CDH18: variants seen among roughly 807,000 people sequenced by gnomAD.
CDH18 encodes cadherin 18, also known as cadherin-18.
A neutral mutation model predicts 67.9 loss-of-function variants in CDH18; 31 were observed. The observed-to-expected ratio is 0.46, with a 90% CI of 0.34 to 0.62. The LOEUF (loss-of-function observed/expected upper bound fraction) is 0.62. Among genes scored for constraint, CDH18 ranks in the 20% least tolerant of loss-of-function variants. The pLI, the probability that CDH18 is intolerant of heterozygous loss-of-function variation, is 0.01. For synonymous variants in CDH18, 362 were observed against 347.2 expected, an observed-to-expected ratio of 1.04 and a Z score of -0.48; for missense variants, 890 against 975.5, an observed-to-expected ratio of 0.91 and a Z score of 1.17.
chr5:19,642,287 C>A (rs954627088), intron 5 of CDH18, among the ~76,000 whole-genome samples: 1 of 151,872 alleles, frequency 6.6e-6, no homozygotes, highest in South Asian at 2.1e-4. Context: ...TAATCCCCAT[C>A]AAAATCCCAA....
chr5:19,802,413 A>G lies in CDH18; in HGVS notation c.228+36346T>C, dbSNP rs145357234. Among the ~76,000 whole-genome samples the G allele has an allele frequency of 6.3e-3, 959 of 152,276 alleles. 3 individuals carry two copies. The highest frequency in any genetic ancestry group is 0.012 in the South Asian group (58 of 4,824). On this transcript the variant is annotated intron_variant, in intron 3 of 12. Transcript: ENST00000382275. ...GTTGGTGGACACTGGAGTAAGTTTAAAAAAGAAAGGTAGTGACCTCTAATT... is the reference window on the plus strand; with the variant it reads ...GTTGGTGGACACTGGAGTAAGTTTAGAAAAGAAAGGTAGTGACCTCTAATT...
intron 7 of CDH18, among the ~76,000 whole-genome samples, chr5:19,572,106 A>G (rs1741525364): frequency 6.6e-6 from 1 of 152,200 alleles, no homozygotes. Flanking sequence ...CGATTCAGGA[A>G]TGTGTGAGGA....
intron 1 of CDH18, among the ~76,000 whole-genome samples, chr5:20,529,777 A>G (rs1374413068): frequency 2.0e-5 from 3 of 152,210 alleles, no homozygotes; most frequent in Non-Finnish European, 2.9e-5. Flanking sequence ...CCAACAGCAA[A>G]TATCATAATG....
In CDH18 at chr5:19,498,499, C is replaced by A. The variant is rs576688837; in HGVS notation, c.1630+4493G>T. Among the ~76,000 whole-genome samples the A allele has an allele frequency of 2.0e-5, 3 of 152,276 alleles. No homozygotes were observed. In the South Asian group the frequency reaches 6.2e-4, roughly 32 times the overall value. On this transcript the variant is annotated intron_variant, in intron 11 of 12. Transcript: ENST00000382275. ...AAGATGATTGATACCACTGCACTTC[C>A]TTGCTCACAATCCATTATCTACATA...
At chr5:20,039,496 G>T (rs1320386729) in intron 2 of CDH18, among the ~76,000 whole-genome samples, 8 of 152,062 alleles carry the variant, frequency 5.3e-5, no homozygotes, top group Non-Finnish European at 1.2e-4. Flanking sequence ...TACTAAAACA[G>T]ATATATAGAC....
chr5:19,670,614 C>T (rs1758608896), intron 5 of CDH18, among the ~76,000 whole-genome samples: 1 of 152,054 alleles, frequency 6.6e-6, no homozygotes, highest in Non-Finnish European at 1.5e-5. Flanking sequence ...AAGGCTATGG[C>T]TGCGGGTGGA....
At chr5:19,888,261 G>A (rs1647803305) in intron 2 of CDH18, among the ~76,000 whole-genome samples, 1 of 152,096 alleles carries the variant, frequency 6.6e-6, no homozygotes, top group Non-Finnish European at 1.5e-5. Flanking sequence ...CACACCGACA[G>A]TTTATTTTTA....
At chr5:19,787,986 A>G (rs1423330281) in intron 3 of CDH18, among the ~76,000 whole-genome samples, 1 of 152,066 alleles carries the variant, frequency 6.6e-6, no homozygotes, top group African/African-American at 2.4e-5. Flanking sequence ...GATTGTGGAA[A>G]GTATTCTCCC....
intron 1 of CDH18, among the ~76,000 whole-genome samples, chr5:20,467,997 T>C (rs12516631): frequency 0.7 from 104,524 of 149,128 alleles, 37,264 homozygotes; most frequent in Admixed American, 0.83. Flanking sequence ...TATTTATGTA[T>C]TTATTTATGT....
intron 1 of CDH18, among the ~76,000 whole-genome samples, chr5:20,298,138 A>G (rs1298479207): frequency 6.6e-6 from 1 of 152,196 alleles, no homozygotes; most frequent in Non-Finnish European, 1.5e-5. Flanking sequence ...CGTGGGCAGA[A>G]CCAAGACCTT....
chr5:19,986,178 C>T (rs1799534258), intron 1 of CDH18, among the ~76,000 whole-genome samples: 1 of 152,198 alleles, frequency 6.6e-6, no homozygotes. Context: ...CACAAGTCCA[C>T]TATATCTATT....
intron 1 of CDH18, among the ~76,000 whole-genome samples, chr5:20,454,498 GAAAT>G (rs1384987244): frequency 6.6e-6 from 1 of 151,938 alleles, no homozygotes; most frequent in Admixed American, 6.6e-5. Context: ...ATAAACCTAA[GAAAT>G]AAAGTCAAGG....
intron 9 of CDH18, among the ~76,000 whole-genome samples, chr5:19,538,141 G>A (rs771285303): frequency 2.0e-5 from 3 of 152,124 alleles, no homozygotes; most frequent in Non-Finnish European, 4.4e-5. Context: ...TTGCGTGATA[G>A]CATGTAAGTT....
intron 2 of CDH18, among the ~76,000 whole-genome samples, chr5:20,136,735 C>A (rs564049125): frequency 4.6e-5 from 7 of 152,152 alleles, no homozygotes; most frequent in Admixed American, 6.5e-5. Context: ...ACTGGTTGTT[C>A]CTTTCCATGT....
chr5:20,555,663 A>G (rs979961102), intron 1 of CDH18, among the ~76,000 whole-genome samples: 2 of 151,788 alleles, frequency 1.3e-5, no homozygotes, highest in African/African-American at 4.8e-5. Flanking sequence ...ATGGAATGAT[A>G]GTTACTGTTT....
intron 2 of CDH18, among the ~76,000 whole-genome samples, chr5:20,173,505 T>A (rs190481053): frequency 5.3e-5 from 8 of 152,104 alleles, no homozygotes; most frequent in Non-Finnish European, 1.0e-4. Flanking sequence ...TGAGAAAGTC[T>A]GAAGGGGCTA....
intron 5 of CDH18, among the ~76,000 whole-genome samples, chr5:19,719,391 T>C (rs1243268525): frequency 6.6e-6 from 1 of 152,056 alleles, no homozygotes; most frequent in Admixed American, 6.6e-5. Flanking sequence ...TTCCTGTTAC[T>C]TTCCTCTAGG....
At chr5:20,531,956 C>T (rs61637150) in intron 1 of CDH18, among the ~76,000 whole-genome samples, 2 of 151,536 alleles carry the variant, frequency 1.3e-5, no homozygotes, top group African/African-American at 4.8e-5. Flanking sequence ...TATTTTCATC[C>T]AGGTGCAAAT....
rs970070625 is a variant in CDH18 at position 20,029,507 on chromosome 5, T to G, written c.-517-37493A>C. ...AGTCTTGTCTTTCATTTAAGTGATA[T>G]TCAACTTGCAAGGTTTACAGCAAAA... On this transcript the variant is annotated intron_variant, in intron 2 of 14. Transcript: ENST00000507958. Among the ~76,000 whole-genome samples the G allele has an allele frequency of 1.3e-4, 20 of 152,344 alleles. 1 individual carries two copies. The highest frequency in any genetic ancestry group is 1.1e-3 in the Admixed American group (17 of 15,296).
Sources: gnomAD v4.1 joint callset for allele counts (sites outside exome capture counted in the v4.1 genomes callset) on GRCh38, gnomAD v4.1.1 for gene constraint, MANE v1.5 for transcripts, NCBI Gene and HGNC (gene_info 2026-07-23, HGNC 2026-07-21) for gene names.